NMNAT2: variants seen among roughly 807,000 people sequenced by gnomAD.
NMNAT2 encodes nicotinamide nucleotide adenylyltransferase 2.
Under a neutral mutation model 41.6 loss-of-function variants are expected in NMNAT2, and 11 were observed. That is an observed-to-expected ratio of 0.26 (90% confidence interval 0.17 to 0.44). The LOEUF is 0.44. Ranked by LOEUF, NMNAT2 falls within the 20% of genes least tolerant of loss-of-function variation. NMNAT2 has a pLI of 1.00. For synonymous variants in NMNAT2, 148 were observed against 151.2 expected (o/e 0.98, Z 0.16); for missense variants, 288 against 407.7 (o/e 0.71, Z 2.53).
intron 1 of NMNAT2, among the ~76,000 whole-genome samples, chr1:183,322,149 A>G (rs971140912): frequency 6.6e-6 from 1 of 152,152 alleles, no homozygotes; most frequent in African/African-American, 2.4e-5. Context: ...GGATGCCTTT[A>G]ATAACCCTCA....
At chr1:183,336,781 C>T (rs1300213079) in intron 1 of NMNAT2, among the ~76,000 whole-genome samples, 1 of 152,120 alleles carries the variant, frequency 6.6e-6, no homozygotes, top group Non-Finnish European at 1.5e-5. Flanking sequence ...GTTGTGTTTA[C>T]AATAGCTACA....
At chr1:183,399,039 G>C (rs1254033090) in intron 1 of NMNAT2, among the ~76,000 whole-genome samples, 2 of 152,110 alleles carry the variant, frequency 1.3e-5, no homozygotes, top group African/African-American at 4.8e-5. Context: ...AAAGCTAGCA[G>C]AAGGCAAGAA....
At chr1:183,364,687 T>TTTCTTTCTTTCTTTCTTTCTTTCTTTC (rs1553218937) in intron 1 of NMNAT2, among the ~76,000 whole-genome samples, 2 of 36,322 alleles carry the variant, frequency 5.5e-5, no homozygotes, top group Non-Finnish European at 6.8e-5. Context: ...TTCTTTCTTT[T>TTTCTTTCTTTCTTTCTTTCTTTCTTTC]TTTGTTGTTG....
At chr1:183,410,602 T>C (rs1270940791) in intron 1 of NMNAT2, among the ~76,000 whole-genome samples, 1 of 151,994 alleles carries the variant, frequency 6.6e-6, no homozygotes, top group African/African-American at 2.4e-5. Context: ...TTCCAACCTG[T>C]TTTCTGGCTC....
At chr1:183,275,187 T>C (rs1277701827) in intron 8 of NMNAT2, among the ~76,000 whole-genome samples, 2 of 152,218 alleles carry the variant, frequency 1.3e-5, no homozygotes, top group Non-Finnish European at 2.9e-5. Context: ...GGTCTGCTAA[T>C]TAATAATGGC....
At chr1:183,408,713 T>C (rs1649030153) in intron 1 of NMNAT2, among the ~76,000 whole-genome samples, 1 of 152,208 alleles carries the variant, frequency 6.6e-6, no homozygotes, top group Non-Finnish European at 1.5e-5. Flanking sequence ...TGATATAATA[T>C]CTATAAATTT....
At chr1:183,390,795 A>G (rs1648460626) in intron 1 of NMNAT2, among the ~76,000 whole-genome samples, 1 of 152,180 alleles carries the variant, frequency 6.6e-6, no homozygotes, top group Non-Finnish European at 1.5e-5. Flanking sequence ...GTGATGCTGC[A>G]TGCATTTGGA....
chr1:183,264,366 G>GTT (rs1660749303), intron 8 of NMNAT2, among the ~76,000 whole-genome samples: 1 of 151,886 alleles, frequency 6.6e-6, no homozygotes, highest in Non-Finnish European at 1.5e-5. Flanking sequence ...TGTTCAGTGG[G>GTT]CGGCAAGCAG....
intron 1 of NMNAT2, among the ~76,000 whole-genome samples, chr1:183,319,990 G>A (rs1662326659): frequency 6.6e-6 from 1 of 152,234 alleles, no homozygotes. Flanking sequence ...TTCTGGGATA[G>A]CTGCTGTCTC....
intron 1 of NMNAT2, among the ~76,000 whole-genome samples, chr1:183,309,234 A>G (rs539762016): frequency 1.3e-5 from 2 of 152,308 alleles, no homozygotes; most frequent in East Asian, 3.9e-4. Context: ...TCCTGGCCTC[A>G]AATGATCTTC....
chr1:183,299,260 C>A (rs893605342), intron 1 of NMNAT2, among the ~76,000 whole-genome samples: 1 of 152,026 alleles, frequency 6.6e-6, no homozygotes, highest in African/African-American at 2.4e-5. Flanking sequence ...CTTGTAATCC[C>A]AGCTACTTGG....
intron 1 of NMNAT2, among the ~76,000 whole-genome samples, chr1:183,388,131 C>T (rs1035490293): frequency 3.3e-5 from 5 of 152,340 alleles, no homozygotes; most frequent in Non-Finnish European, 7.3e-5. Context: ...GGATCAGTAA[C>T]TTACCCAAAG....
chr1:183,282,356 C>T (rs750614658), intron 7 of NMNAT2, among the ~76,000 whole-genome samples: 1 of 152,198 alleles, frequency 6.6e-6, no homozygotes, highest in Non-Finnish European at 1.5e-5. Flanking sequence ...GCCCCTGCCC[C>T]TCCCGAGGTA....
rs137871217 is a variant in NMNAT2 at position 183,264,083 on chromosome 1, C to T, written c.652-2780G>A. The stretch of plus-strand genomic sequence containing the variant: ...GGTATCCATGGGGATTCCTAAGCTG[C>T]GTGGTTATGTAGATGTTTCAAGATA... On this transcript the variant is annotated intron_variant, in intron 8 of 10. Coordinates refer to ENST00000287713, the MANE Select transcript of NMNAT2 (RefSeq NM_015039.4). Among the ~76,000 whole-genome samples the T allele has an allele frequency of 2.6e-5, 4 of 152,120 alleles. No individual in the cohort carries two copies. In the East Asian group the frequency reaches 7.7e-4, roughly 29 times the overall value.
intron 1 of NMNAT2, among the ~76,000 whole-genome samples, chr1:183,399,520 C>G (rs1373870777): frequency 6.6e-6 from 1 of 152,098 alleles, no homozygotes; most frequent in South Asian, 2.1e-4. Flanking sequence ...GAAACTTTTC[C>G]AATCAATAGA....
chr1:183,338,580 C>G (rs2102343391), intron 1 of NMNAT2, among the ~76,000 whole-genome samples: 1 of 152,320 alleles, frequency 6.6e-6, no homozygotes, highest in Non-Finnish European at 1.5e-5. Context: ...GTTTGAGAAA[C>G]TGTTTTGTCG....
At chr1:183,365,768 C>T (rs545264244) in intron 1 of NMNAT2, among the ~76,000 whole-genome samples, 2 of 152,094 alleles carry the variant, frequency 1.3e-5, no homozygotes, top group African/African-American at 4.8e-5. Flanking sequence ...ACAGGTGGCC[C>T]ACAGCCCCTG....
At chr1:183,400,550 T>C (rs1210809471) in intron 1 of NMNAT2, among the ~76,000 whole-genome samples, 1 of 152,202 alleles carries the variant, frequency 6.6e-6, no homozygotes, top group African/African-American at 2.4e-5. Context: ...CTTCACAGAA[T>C]TGGAAAAAAC....
chr1:183,400,885 C>T (rs1648790321), intron 1 of NMNAT2, among the ~76,000 whole-genome samples: 1 of 152,184 alleles, frequency 6.6e-6, no homozygotes, highest in African/African-American at 2.4e-5. Flanking sequence ...AACTGGATCC[C>T]TTCCTTACAC....
Sources: allele counts gnomAD v4.1 joint callset (sites outside exome capture counted in the v4.1 genomes callset), GRCh38; gene constraint gnomAD v4.1.1; transcripts MANE v1.5; gene names NCBI Gene and HGNC (gene_info 2026-07-23, HGNC 2026-07-21).